ADGRL3: variants seen among roughly 807,000 people sequenced by gnomAD.
The protein encoded by ADGRL3 is calcium-independent alpha-latrotoxin receptor 3.
Under a neutral mutation model 153.5 loss-of-function variants are expected in ADGRL3, and 62 were observed. The ratio of observed to expected loss-of-function variants is 0.40; its 90% CI spans 0.33 to 0.50. ADGRL3 has a LOEUF of 0.50. Among genes scored for constraint, ADGRL3 ranks in the 20% least tolerant of loss-of-function variants. The probability of loss-of-function intolerance (pLI) is 0.47; values close to 1 mark genes in which losing one functional copy is unlikely to be tolerated. For synonymous variants in ADGRL3, 710 were observed against 672.5 expected, an observed-to-expected ratio of 1.06 and a Z score of -0.86; for missense variants, 1,641 against 1,859.4, an observed-to-expected ratio of 0.88 and a Z score of 2.16.
At chr4:61,246,679 A>G (rs78323173) in intron 1 of ADGRL3, among the ~76,000 whole-genome samples, 21,403 of 151,738 alleles carry the variant, frequency 0.14, 1,789 homozygotes, top group East Asian at 0.27. Context: ...TATACCCTAA[A>G]TAACATATTT....
intron 9 of ADGRL3, among the ~76,000 whole-genome samples, chr4:61,867,541 A>ATATATATATATATATATATAT (rs1490365312): frequency 2.6e-4 from 13 of 50,298 alleles, no homozygotes; most frequent in Non-Finnish European, 4.7e-4. Flanking sequence ...TATATATATA[A>ATATATATATATATATATATAT]TTGTAGGAGA....
rs1185300936 is a variant in ADGRL3, at chr4:61,606,762, T to A, written c.473+19322T>A. 2.0e-5 allele frequency among the ~76,000 whole-genome samples: 3 copies of A among 152,062 alleles called. No homozygotes were observed. In the East Asian group the frequency reaches 5.8e-4, roughly 29 times the overall value. ...TGCAGTTTTAAGTGAGGAAGCAAAA[T>A]AAATTCTTGCATTAGGAGAGTCCCT... On this transcript the variant is annotated intron_variant, in intron 5 of 26. Coordinates refer to ENST00000683033, the MANE Select transcript of ADGRL3 (RefSeq NM_001387552.1).
At chr4:61,319,993 A>T (rs1042654617) in intron 1 of ADGRL3, among the ~76,000 whole-genome samples, 3 of 152,138 alleles carry the variant, frequency 2.0e-5, no homozygotes, top group African/African-American at 7.2e-5. Flanking sequence ...TGGTTAAATG[A>T]AGTCCTAAGG....
intron 21 of ADGRL3, among the ~76,000 whole-genome samples, chr4:62,025,519 A>G (rs562540780): frequency 1.3e-5 from 2 of 152,256 alleles, no homozygotes; most frequent in African/African-American, 4.8e-5. Context: ...AGCTTGTGGA[A>G]GTCCTTTATC....
chr4:61,677,255 A>G (rs2095226230), intron 6 of ADGRL3: 2 of 311,332 alleles, frequency 6.4e-6, no homozygotes, highest in Non-Finnish European at 1.2e-5. Context: ...GTCCAAGCAG[A>G]TAAGAGGTGA....
At chr4:61,888,487 A>G (rs2098551767) in intron 9 of ADGRL3, among the ~76,000 whole-genome samples, 1 of 152,238 alleles carries the variant, frequency 6.6e-6, no homozygotes, top group Non-Finnish European at 1.5e-5. Flanking sequence ...ATTTAGCAAT[A>G]AGATGAATCC....
At chr4:61,711,087 A>C (rs1321983893) in intron 6 of ADGRL3, among the ~76,000 whole-genome samples, 1 of 152,140 alleles carries the variant, frequency 6.6e-6, no homozygotes, top group Non-Finnish European at 1.5e-5. Context: ...AGTTACCAAG[A>C]GTTGGACATT....
chr4:61,272,336 A>T (rs2093234008), intron 1 of ADGRL3, among the ~76,000 whole-genome samples: 1 of 152,052 alleles, frequency 6.6e-6, no homozygotes, highest in Admixed American at 6.6e-5. Flanking sequence ...CTAGGTTTTA[A>T]AAGTAAGAAA....
At chr4:61,476,282 C>T (rs936406049) in intron 2 of ADGRL3, among the ~76,000 whole-genome samples, 2 of 151,890 alleles carry the variant, frequency 1.3e-5, no homozygotes, top group South Asian at 2.1e-4. Flanking sequence ...TGGAGTGCAG[C>T]GGGTGGACGA....
intron 5 of ADGRL3, among the ~76,000 whole-genome samples, chr4:61,638,069 C>A (rs1161521391): frequency 6.6e-6 from 1 of 152,060 alleles, no homozygotes; most frequent in African/African-American, 2.4e-5. Flanking sequence ...AAACCTTCAT[C>A]CACAAAAACA....
intron 25 of ADGRL3, among the ~76,000 whole-genome samples, chr4:62,049,651 G>A (rs1234369864): frequency 6.6e-6 from 1 of 152,070 alleles, no homozygotes; most frequent in African/African-American, 2.4e-5. Flanking sequence ...CGTAGCTAGT[G>A]GCATTACTAC....
At chr4:61,600,461 A>G (rs2099006842) in intron 5 of ADGRL3, among the ~76,000 whole-genome samples, 1 of 152,132 alleles carries the variant, frequency 6.6e-6, no homozygotes, top group African/African-American at 2.4e-5. Flanking sequence ...CTCCTCAGAT[A>G]CTTATGCGTG....
intron 9 of ADGRL3, among the ~76,000 whole-genome samples, chr4:61,847,202 T>C (rs999045476): frequency 6.6e-6 from 1 of 152,026 alleles, no homozygotes; most frequent in African/African-American, 2.4e-5. Flanking sequence ...CTACAGTAAG[T>C]ATCTTTATAA....
At chr4:61,231,697 C>A (rs1750725639) in intron 1 of ADGRL3, among the ~76,000 whole-genome samples, 1 of 152,014 alleles carries the variant, frequency 6.6e-6, no homozygotes, top group Non-Finnish European at 1.5e-5. Flanking sequence ...TATTTACTTG[C>A]TTTATTTCCC....
intron 23 of ADGRL3, among the ~76,000 whole-genome samples, chr4:62,034,639 G>A (rs1305316549): frequency 1.3e-5 from 2 of 151,608 alleles, no homozygotes; most frequent in African/African-American, 4.8e-5. Flanking sequence ...GCCATCACTG[G>A]TATAGTTGCT....
intron 9 of ADGRL3, among the ~76,000 whole-genome samples, chr4:61,864,777 A>G (rs148586707): frequency 5.4e-4 from 83 of 152,348 alleles, no homozygotes; most frequent in Non-Finnish European, 1.0e-3. Context: ...AAATAGTGTT[A>G]AATTTACTGA....
At position 61,370,479 on chromosome 4, in the gene ADGRL3, C is replaced by T. The variant is rs553583080; in HGVS notation, c.-239-12645C>T. On this transcript the variant is annotated intron_variant, in intron 1 of 26. Coordinates refer to ENST00000683033, the MANE Select transcript of ADGRL3 (RefSeq NM_001387552.1). ...AACATCTTTATTTCTGCCTTCATTTCGTTATGTACCCAGTAGTCATTCAGG... is the reference window on the plus strand; with the variant it reads ...AACATCTTTATTTCTGCCTTCATTTTGTTATGTACCCAGTAGTCATTCAGG... 3.7e-3 allele frequency among the ~76,000 whole-genome samples: 557 copies of T among 151,988 alleles called. 5 individuals are homozygous for T. The highest frequency in any genetic ancestry group is 8.3e-3 in the African/African-American group (345 of 41,440).
At chr4:61,255,871 T>G (rs1248105021) in intron 1 of ADGRL3, among the ~76,000 whole-genome samples, 1 of 152,196 alleles carries the variant, frequency 6.6e-6, no homozygotes, top group Non-Finnish European at 1.5e-5. Flanking sequence ...ATGGAAGATT[T>G]TGTAAGAATA....
chr4:61,572,859 G>A (rs765099349), intron 4 of ADGRL3, among the ~76,000 whole-genome samples: 6 of 151,892 alleles, frequency 4.0e-5, no homozygotes, highest in African/African-American at 1.4e-4. Context: ...AGGCTCCATC[G>A]TGTGATCTGA....
Sources: allele counts gnomAD v4.1 joint callset (sites outside exome capture counted in the v4.1 genomes callset), GRCh38; gene constraint gnomAD v4.1.1; transcripts MANE v1.5; gene names NCBI Gene and HGNC (gene_info 2026-07-23, HGNC 2026-07-21).